RAMP1: variants seen among roughly 807,000 people sequenced by gnomAD.
The protein encoded by RAMP1 is receptor activity-modifying protein 1.
Under a neutral mutation model 8.2 loss-of-function variants are expected in RAMP1, and 7 were observed. The observed-to-expected ratio is 0.85, with a 90% CI of 0.49 to 1.60. The LOEUF (loss-of-function observed/expected upper bound fraction) is 1.60, where lower values mean the gene tolerates loss of function less well. Ranked by LOEUF, RAMP1 falls within the 40% of genes most tolerant of loss-of-function variation. The pLI, the probability that RAMP1 is intolerant of heterozygous loss-of-function variation, is 0.00. For synonymous variants in RAMP1, 92 were observed against 84.7 expected (o/e 1.09, Z -0.47); for missense variants, 192 against 202.4 (o/e 0.95, Z 0.31).
intron 1 of RAMP1, among the ~76,000 whole-genome samples, chr2:237,867,214 AAT>A (rs2062196409): frequency 6.6e-6 from 1 of 152,152 alleles, no homozygotes; most frequent in Admixed American, 6.5e-5. Context: ...CAGCGTGGGC[AAT>A]AGAGTGAGAT....
chr2:237,887,120 A>G (rs922201287), intron 2 of RAMP1, among the ~76,000 whole-genome samples: 9 of 152,188 alleles, frequency 5.9e-5, no homozygotes, highest in African/African-American at 2.2e-4. Flanking sequence ...AGAGAGGATG[A>G]AGATGTGCCC....
chr2:237,896,085 C>T (rs901721743), intron 2 of RAMP1, among the ~76,000 whole-genome samples: 1 of 152,220 alleles, frequency 6.6e-6, no homozygotes, highest in Non-Finnish European at 1.5e-5. Context: ...CCCTGATCCT[C>T]GGACCCTGGG....
chr2:237,861,863 A>C (rs919731376), intron 1 of RAMP1, among the ~76,000 whole-genome samples: 5 of 151,942 alleles, frequency 3.3e-5, no homozygotes, highest in Admixed American at 1.3e-4. Flanking sequence ...AAAAAAAAAA[A>C]AACTTAGGAT....
intron 2 of RAMP1, among the ~76,000 whole-genome samples, chr2:237,883,386 G>C (rs2062391570): frequency 6.6e-6 from 1 of 152,200 alleles, no homozygotes; most frequent in African/African-American, 2.4e-5. Flanking sequence ...AGGAGTAAGT[G>C]GGGGCTGAGA....
At chr2:237,910,400 G>A (rs887932321) in intron 2 of RAMP1, among the ~76,000 whole-genome samples, 4 of 145,640 alleles carry the variant, frequency 2.7e-5, no homozygotes, top group African/African-American at 1.0e-4. Context: ...CACACACAGA[G>A]TAACACAGTG....
chr2:237,885,052 G>T (rs2062413266), intron 2 of RAMP1, among the ~76,000 whole-genome samples: 1 of 152,240 alleles, frequency 6.6e-6, no homozygotes, highest in Non-Finnish European at 1.5e-5. Flanking sequence ...GTTGGGCAGG[G>T]TGCACCAACA....
At chr2:237,901,290 C>A (rs1165374563) in intron 2 of RAMP1, among the ~76,000 whole-genome samples, 1 of 152,214 alleles carries the variant, frequency 6.6e-6, no homozygotes, top group Admixed American at 6.5e-5. Flanking sequence ...TTTGCTCTTA[C>A]CCTCCCTGCC....
intron 1 of RAMP1, among the ~76,000 whole-genome samples, chr2:237,864,725 T>C (rs1259646145): frequency 6.6e-6 from 1 of 152,312 alleles, no homozygotes; most frequent in East Asian, 1.9e-4. Flanking sequence ...CAAATGTCCA[T>C]AGTGCCAGGG....
intron 2 of RAMP1, among the ~76,000 whole-genome samples, chr2:237,903,424 C>T (rs1237355272): frequency 6.6e-6 from 1 of 152,172 alleles, no homozygotes; most frequent in Non-Finnish European, 1.5e-5. Context: ...TACATATTGC[C>T]AAATTGTGTT....
At chr2:237,890,710 G>C (rs1331130977) in intron 2 of RAMP1, among the ~76,000 whole-genome samples, 1 of 152,196 alleles carries the variant, frequency 6.6e-6, no homozygotes, top group Admixed American at 6.5e-5. Context: ...TCAGTTAACT[G>C]AAACATGCTG....
chr2:237,895,662 G>T (rs1232810196), intron 2 of RAMP1, among the ~76,000 whole-genome samples: 2 of 152,154 alleles, frequency 1.3e-5, no homozygotes, highest in Non-Finnish European at 2.9e-5. Context: ...CCCGGCAGGG[G>T]TCCCTGAAGA....
chr2:237,896,836 G>A (rs1454240376), intron 2 of RAMP1, among the ~76,000 whole-genome samples: 1 of 152,018 alleles, frequency 6.6e-6, no homozygotes, highest in Non-Finnish European at 1.5e-5. Context: ...TGTAGAGATG[G>A]GGGAGTCTCT....
intron 2 of RAMP1, among the ~76,000 whole-genome samples, chr2:237,881,665 A>C (rs1271551689): frequency 6.6e-6 from 1 of 152,250 alleles, no homozygotes; most frequent in African/African-American, 2.4e-5. Context: ...TTCTGTACTT[A>C]GGAGTGAATC....
intron 2 of RAMP1, among the ~76,000 whole-genome samples, chr2:237,901,624 C>T (rs2062596997): frequency 6.6e-6 from 1 of 152,068 alleles, no homozygotes; most frequent in Admixed American, 6.5e-5. Flanking sequence ...GAGTGACCCA[C>T]ACAGAAGCTT....
In RAMP1 at chr2:237,862,836, C is replaced by T. The variant is rs2062145305; in HGVS notation, c.52+3109C>T. Among the ~76,000 whole-genome samples the T allele has an allele frequency of 6.6e-6, 1 of 152,130 alleles. No individual in the cohort carries two copies. The highest frequency in any genetic ancestry group is 1.5e-5 in the Non-Finnish European group (1 of 68,024). ...GGAGACTGGCCGCAGGCTGGACAGT[C>T]AGTGTTCTGCTGGAACCACGGGGAA... On this transcript the variant is annotated intron_variant, in intron 1 of 2. Transcript: ENST00000254661. This position sits in a 1 kb window ranked among gnomAD's most constrained non-coding sequence, Gnocchi z 4.0.
At chr2:237,871,185 A>T (rs1406732617) in intron 1 of RAMP1, among the ~76,000 whole-genome samples, 1 of 152,078 alleles carries the variant, frequency 6.6e-6, no homozygotes, top group Non-Finnish European at 1.5e-5. Flanking sequence ...TGGACTTGAG[A>T]AGTTGGAATG....
In RAMP1 at chr2:237,865,793, G is replaced by A. The variant is rs906673776; in HGVS notation, c.52+6066G>A. Among the ~76,000 whole-genome samples, 2 of 152,144 alleles carry A rather than the reference G, an allele frequency of 1.3e-5. No homozygotes were observed. Among genetic ancestry groups the A allele is most frequent in the Non-Finnish European group, 2.9e-5 (2 of 68,032 alleles). On this transcript the variant is annotated intron_variant, in intron 1 of 2. Transcript: ENST00000254661. This position sits in a 1 kb window ranked among gnomAD's most constrained non-coding sequence, Gnocchi z 4.2. ...TGAGAGGCCAGAGAGGACGGCCAGG[G>A]AGGACAGAGAAGGAAACGGGCCCCA...
At chr2:237,881,580 CTG>C (rs2151011274) in intron 2 of RAMP1, among the ~76,000 whole-genome samples, 1 of 152,372 alleles carries the variant, frequency 6.6e-6, no homozygotes, top group African/African-American at 2.4e-5. Context: ...CACCAACAGA[CTG>C]TGTTGTCGTC....
intron 2 of RAMP1, among the ~76,000 whole-genome samples, chr2:237,882,999 A>G (rs534721612): frequency 6.6e-6 from 1 of 152,128 alleles, no homozygotes; most frequent in East Asian, 1.9e-4. Flanking sequence ...CTGATGGGGG[A>G]CACAGGCTCT....
Sources: gnomAD v4.1 joint callset for allele counts (sites outside exome capture counted in the v4.1 genomes callset) on GRCh38, gnomAD v4.1.1 for gene constraint, Gnocchi (gnomAD v3.1) non-coding constraint, MANE v1.5 for transcripts, NCBI Gene and HGNC (gene_info 2026-07-23, HGNC 2026-07-21) for gene names.